TUBB3: variants seen among roughly 807,000 people sequenced by gnomAD.
The protein encoded by TUBB3 is tubulin beta 3 class III.
Under a neutral mutation model 37.8 loss-of-function variants are expected in TUBB3, and 17 were observed. That is an observed-to-expected ratio of 0.45 (90% CI 0.31 to 0.67). The LOEUF is 0.67. Ranked by LOEUF, TUBB3 falls within the 30% of genes least tolerant of loss-of-function variation. The pLI, the probability that TUBB3 is intolerant of heterozygous loss-of-function variation, is 0.07. For synonymous variants in TUBB3, 332 were observed against 278.9 expected, an observed-to-expected ratio of 1.19 and a Z score of -1.90; for missense variants, 262 against 657.9, an observed-to-expected ratio of 0.40 and a Z score of 6.58.
At position 89,935,677 on chromosome 16, in the gene TUBB3, C is replaced by T. The variant is rs2030430315; in HGVS notation, c.1226C>T (p.Thr409Ile). The stretch of plus-strand genomic sequence containing the variant: ...GAGGGCATGGACGAGATGGAGTTCA[C>T]CGAGGCCGAGAGCAACATGAACGAC... ...TGEGMDEMEF[T>I]EAESNMNDLV... The change falls in exon 4 of 4, where the codon ACC becomes ATC. Residue 409 changes from threonine (T) to isoleucine (I), a missense_variant. By Grantham distance (89) the Thr-to-Ile change is moderately conservative. This residue lies in a region of TUBB3 where 165 missense variants were observed against 556.8 expected (regional missense o/e 0.30). Coordinates refer to ENST00000315491, the MANE Select transcript of TUBB3 (RefSeq NM_006086.4). The T allele has an allele frequency of 6.2e-6, 10 of 1,613,738 alleles. No homozygotes were observed. The Admixed American group carries it at 1.2e-4, about 19-fold the overall frequency.
chr16:89,926,864 C>T (rs760187935), intron 1 of TUBB3, among the ~76,000 whole-genome samples: 1 of 152,040 alleles, frequency 6.6e-6, no homozygotes, highest in South Asian at 2.1e-4. Flanking sequence ...ATTACAGGCG[C>T]CCGCCACCAC....
intron 1 of TUBB3, among the ~76,000 whole-genome samples, chr16:89,928,697 T>C (rs1013225425): frequency 3.9e-5 from 6 of 151,994 alleles, no homozygotes; most frequent in Non-Finnish European, 5.9e-5. Flanking sequence ...GCTAATTTTT[T>C]GTATTTTTAG....
chr16:89,932,862 A>G (rs2030325941), intron 2 of TUBB3, 183 bp downstream of exon 2: 4 of 634,994 alleles, frequency 6.3e-6, no homozygotes, highest in South Asian at 3.6e-5. Context: ...CAGAACAGAC[A>G]ATAAATCACA....
intron 1 of TUBB3, among the ~76,000 whole-genome samples, chr16:89,927,402 A>G (rs970385327): frequency 2.0e-5 from 3 of 151,988 alleles, no homozygotes; most frequent in African/African-American, 7.2e-5. Context: ...AAAAGGAACA[A>G]TATATTTTAT....
At chr16:89,923,929 G>A (rs769701516) in intron 1 of TUBB3, among the ~76,000 whole-genome samples, 18 of 152,262 alleles carry the variant, frequency 1.2e-4, no homozygotes, top group Middle Eastern at 3.4e-3. Context: ...TCCCCCGAGA[G>A]GCTAGAGCCG....
At chr16:89,932,084 C>G (rs898959199) in intron 1 of TUBB3, 1 of 289,928 alleles carries the variant, frequency 3.4e-6, no homozygotes, top group African/African-American at 2.2e-5. Flanking sequence ...ATGGTTTGCT[C>G]TCCCATGGAG....
chr16:89,926,286 T>C (rs2030080210), intron 1 of TUBB3, among the ~76,000 whole-genome samples: 1 of 152,102 alleles, frequency 6.6e-6, no homozygotes, highest in Non-Finnish European at 1.5e-5. Context: ...GGCCTGGCCG[T>C]CTCAGCCAAT....
At chr16:89,925,402 G>A (rs571694021) in intron 1 of TUBB3, among the ~76,000 whole-genome samples, 1 of 150,560 alleles carries the variant, frequency 6.6e-6, no homozygotes, top group Admixed American at 6.6e-5. Flanking sequence ...GACCAGCCGG[G>A]ATAACATGGT....
upstream of TUBB3, among the ~76,000 whole-genome samples, chr16:89,923,032 G>A (rs1460234748): frequency 6.6e-6 from 1 of 152,218 alleles, no homozygotes; most frequent in Non-Finnish European, 1.5e-5. Flanking sequence ...AGCTGGGGGC[G>A]GGGTTCCCAG....
rs1472787521 is a variant in TUBB3, at chr16:89,926,531, G to C, written c.57+3073G>C. Reference sequence around the variant, plus strand: ...CAGCACCAAGGACAGCGCCCGGGCCGAGCGCCTGGCCTCGAACGCCGGGTT... The same window carrying C: ...CAGCACCAAGGACAGCGCCCGGGCCCAGCGCCTGGCCTCGAACGCCGGGTT... On this transcript the variant is annotated intron_variant, in intron 1 of 3. Transcript: ENST00000315491. 3.3e-5 allele frequency among the ~76,000 whole-genome samples: 5 copies of C among 152,374 alleles called. No individual in the cohort carries two copies. The East Asian group carries it at 9.6e-4, about 29-fold the overall frequency.
In TUBB3 at chr16:89,926,544, C is replaced by G. The variant is rs568069554; in HGVS notation, c.57+3086C>G. 4.5e-3 allele frequency among the ~76,000 whole-genome samples: 682 copies of G among 152,294 alleles called. 2 individuals are homozygous for G. The highest frequency in any genetic ancestry group is 7.5e-3 in the Non-Finnish European group (511 of 68,016). ...AGCGCCCGGGCCGAGCGCCTGGCCT[C>G]GAACGCCGGGTTCTGCTTTGTGTTT... On this transcript the variant is annotated intron_variant, in intron 1 of 3. Coordinates refer to ENST00000315491, the MANE Select transcript of TUBB3 (RefSeq NM_006086.4).
chr16:89,931,799 AG>A, intron 1 of TUBB3: 2 of 356,184 alleles, frequency 5.6e-6, no homozygotes, highest in Non-Finnish European at 5.9e-6. Context: ...TCCGCTCGGC[AG>A]CTGTCATGGG....
In TUBB3 at chr16:89,929,479, C is replaced by T. The variant is rs540334803; in HGVS notation, c.58-3092C>T. On this transcript the variant is annotated intron_variant, in intron 1 of 3. Coordinates refer to ENST00000315491, the MANE Select transcript of TUBB3 (RefSeq NM_006086.4). ...AGAGGTGGTCCATGTCCATGCTGTC[C>T]GCGTTACAATAATTACACTATGTTT... is the stretch of plus-strand genomic sequence containing the variant. Among the ~76,000 whole-genome samples the T allele has an allele frequency of 6.6e-5, 10 of 152,148 alleles. No homozygotes were observed. In the South Asian group the frequency reaches 1.9e-3, roughly 28 times the overall value.
chr16:89,933,076 A>C, intron 2 of TUBB3: 1 of 476,888 alleles, frequency 2.1e-6, no homozygotes, highest in Admixed American at 2.9e-5. Flanking sequence ...CCACCTGCCC[A>C]CATGGACATG....
At chr16:89,933,447 C>T (rs72813449) in intron 2 of TUBB3, 21 bp from the exon 3 acceptor site, 88 of 1,590,996 alleles carry the variant, frequency 5.5e-5, no homozygotes, top group Admixed American at 8.3e-5. Flanking sequence ...CCCGAATCAC[C>T]GAGCCCCTCT....
At position 89,935,369 on chromosome 16, in the gene TUBB3, C is replaced by T. The variant is rs1597425037; in HGVS notation, c.918C>T (p.Arg306=). The T allele has an allele frequency of 6.2e-7, 1 of 1,614,118 alleles. No individual in the cohort carries two copies. Among genetic ancestry groups the T allele is most frequent in the Non-Finnish European group, 8.5e-7 (1 of 1,180,044 alleles). The stretch of plus-strand genomic sequence containing the variant: ...ACATGATGGCCGCCTGCGACCCGCG[C>T]CACGGCCGCTACCTGACGGTGGCCA... ...AKNMMAACDP[R]HGRYLTVATV... Residue 306 remains arginine, a synonymous_variant, in exon 4 of 4, where the codon CGC becomes CGT. Coordinates refer to ENST00000315491, the MANE Select transcript of TUBB3 (RefSeq NM_006086.4).
upstream of TUBB3, chr16:89,922,750 C>G (rs1049714040): frequency 2.6e-5 from 4 of 152,278 alleles, no homozygotes; most frequent in African/African-American, 9.6e-5. Context: ...GCCGGCGACC[C>G]ACGGAGCTCG....
At chr16:89,933,292 G>A (rs2030336800) in intron 2 of TUBB3, 176 bp from the exon 3 acceptor site, 1 of 739,396 alleles carries the variant, frequency 1.4e-6, no homozygotes, top group Non-Finnish European at 2.5e-6. Context: ...AACACAGTGA[G>A]GCTTAAGGGT....
chr16:89,933,684 A>G (rs891471388), intron 3 of TUBB3, 106 bp downstream of exon 3: 5 of 878,622 alleles, frequency 5.7e-6, no homozygotes, highest in South Asian at 5.3e-5. Context: ...AGCTCCTCAC[A>G]TGATCCTGAA....
Sources: allele counts gnomAD v4.1 joint callset (sites outside exome capture counted in the v4.1 genomes callset), GRCh38; gene constraint gnomAD v4.1.1; regional missense constraint gnomAD v4.1.1; transcripts MANE v1.5; gene names NCBI Gene and HGNC (gene_info 2026-07-23, HGNC 2026-07-21).